RETNLB: variants seen among roughly 807,000 people sequenced by gnomAD.
RETNLB encodes resistin-like beta.
In RETNLB, 11 loss-of-function variants were observed where a neutral mutation model predicts 6.8. That is an observed-to-expected ratio of 1.62 (90% CI 1.02 to 2.68). The LOEUF (loss-of-function observed/expected upper bound fraction) is 2.68. Among genes scored for constraint, RETNLB ranks in the 30% most tolerant of loss-of-function variants. RETNLB has a pLI of 0.00. For synonymous variants in RETNLB, 57 were observed against 54.2 expected (o/e 1.05, Z -0.23); for missense variants, 146 against 135.7 (o/e 1.08, Z -0.38).
In RETNLB at chr3:108,756,043, C is replaced by T. The variant is rs531386399; in HGVS notation, c.209-138G>A. 1,803 of 884,374 alleles carry T rather than the reference C, an allele frequency of 2.0e-3. 13 individuals are homozygous for T. The highest frequency in any genetic ancestry group is 2.6e-3 in the Non-Finnish European group (1,485 of 573,904). 54.8% of individuals were successfully genotyped at this position (884,374 alleles called of 1,614,324 possible). A position where few individuals can be genotyped will look rare whatever the true frequency, so the allele number is the denominator to read the frequency against. ...GGGGCCTCAAGCTCATTCAATTTTG[C>T]GAGCTCATTTCAAGAAAAGAAATAC... On this transcript the variant is annotated intron_variant, in intron 2 of 2. Coordinates refer to ENST00000295755, the MANE Select transcript of RETNLB (RefSeq NM_032579.3).
intron 1 of RETNLB, 189 bp downstream of exon 1, chr3:108,756,870 C>T (rs1410078530): frequency 3.1e-6 from 2 of 641,364 alleles, no homozygotes; most frequent in African/African-American, 1.8e-5. Context: ...TCCTCCACCT[C>T]TTCCTCCTCA....
At chr3:108,755,997 A>C (rs1945247144) in intron 2 of RETNLB, 92 bp from the exon 3 acceptor site, 1 of 1,514,114 alleles carries the variant, frequency 6.6e-7, no homozygotes. Context: ...CTGTGCAGTC[A>C]GGGGTAGAGC....
intron 2 of RETNLB, 114 bp downstream of exon 2, chr3:108,756,394 C>T: frequency 1.3e-6 from 1 of 741,726 alleles, no homozygotes; most frequent in Non-Finnish European, 2.4e-6. Flanking sequence ...TGACTCAGCC[C>T]CAGGGTGCCA....
At chr3:108,755,926 C>T in intron 2 of RETNLB, 21 bp from the exon 3 acceptor site, 1 of 1,614,106 alleles carries the variant, frequency 6.2e-7, no homozygotes, top group Non-Finnish European at 8.5e-7. Context: ...ACATGAAGCA[C>T]AGACATCAGA....
At chr3:108,756,890 C>A (rs1005533508) in intron 1 of RETNLB, 169 bp downstream of exon 1, 3 of 724,434 alleles carry the variant, frequency 4.1e-6, no homozygotes, top group Non-Finnish European at 6.6e-6. Context: ...ATCAGGAAAA[C>A]CTCAGCTTTT....
At position 108,756,507 on chromosome 3, in the gene RETNLB, C is replaced by T; in HGVS notation, c.208+1G>A. 4 of 1,604,794 alleles carry T rather than the reference C, an allele frequency of 2.5e-6. No individual in the cohort carries two copies. The highest frequency in any genetic ancestry group is 3.4e-6 in the Non-Finnish European group (4 of 1,171,504). Reference sequence around the variant, plus strand: ...CCATTCCCTCTCAGGGAGTTACTCACCAGCAGGGCAGGAGGACGGTCTGCC... The same window carrying T: ...CCATTCCCTCTCAGGGAGTTACTCATCAGCAGGGCAGGAGGACGGTCTGCC... On this transcript the variant is annotated splice_donor_variant, in intron 2 of 2. Transcript: ENST00000295755. LOFTEE classifies it high-confidence loss of function.
intron 1 of RETNLB, 121 bp downstream of exon 1, chr3:108,756,938 G>T: frequency 1.8e-6 from 2 of 1,137,778 alleles, no homozygotes; most frequent in Non-Finnish European, 2.5e-6. Flanking sequence ...AGTGTAGAAA[G>T]CCCTCATCAG....
At chr3:108,756,185 C>T (rs773842891) in intron 2 of RETNLB, among the ~76,000 whole-genome samples, 1 of 152,074 alleles carries the variant, frequency 6.6e-6, no homozygotes, top group Non-Finnish European at 1.5e-5. Context: ...TCTGTTGGCC[C>T]CTACCCATCA....
chr3:108,755,911 T>C lies in RETNLB; in HGVS notation c.209-6A>G, dbSNP rs1422538186. ...ACAGCCAGTGACAGCCATCCCTGCA[T>C]GAGCACATGAAGCACAGACATCAGA... On this transcript the variant is annotated splice_region_variant and splice_polypyrimidine_tract_variant and intron_variant, in intron 2 of 2. Transcript: ENST00000295755. 5.0e-6 allele frequency: 8 copies of C among 1,613,990 alleles called. No homozygotes were observed. The highest frequency in any genetic ancestry group is 6.8e-6 in the Non-Finnish European group (8 of 1,180,024).
At position 108,755,802 on chromosome 3, in the gene RETNLB, A is replaced by C. The variant is rs747231274; in HGVS notation, c.312T>G (p.Thr104=). ...GTCAGGTCAGGTGGCAGCAGCGGGC[A>C]GTGGTCCAGTCCACCACACTGCACT... ...HCQCSVVDWT[T]ARCCHLT Residue 104 remains threonine (T), a synonymous_variant, in exon 3 of 3, where the codon ACT becomes ACG. Transcript: ENST00000295755. The C allele has an allele frequency of 6.2e-7, 1 of 1,614,146 alleles. No homozygotes were observed. The highest frequency in any genetic ancestry group is 8.5e-7 in the Non-Finnish European group (1 of 1,179,982).
Position 108,756,455 on chromosome 3 carries a change from A to G in RETNLB, c.208+53T>C, listed in dbSNP as rs536880406. 8.5e-6 allele frequency: 10 copies of G among 1,177,662 alleles called. No homozygotes were observed. The South Asian group carries it at 1.1e-4, about 13-fold the overall frequency. 73.0% of individuals were successfully genotyped at this position (1,177,662 alleles called of 1,614,324 possible). ...AAGACGTAGGTGCAGGGAGATGGACAGGGGAGGATACAGGGCATCGTAGTC... is the reference window on the plus strand; with the variant it reads ...AAGACGTAGGTGCAGGGAGATGGACGGGGGAGGATACAGGGCATCGTAGTC... On this transcript the variant is annotated intron_variant, in intron 2 of 2. Coordinates refer to ENST00000295755, the MANE Select transcript of RETNLB (RefSeq NM_032579.3).
At position 108,755,781 on chromosome 3, in the gene RETNLB, G is replaced by C; in HGVS notation, c.333C>G (p.Thr111=). The C allele has an allele frequency of 6.2e-7, 1 of 1,613,864 alleles. No individual in the cohort carries two copies. Among genetic ancestry groups the C allele is most frequent in the Non-Finnish European group, 8.5e-7 (1 of 1,179,794 alleles). Reference sequence around the variant, plus strand: ...TGAGTTCTCAGCCTCCTCCCTGTCAGGTCAGGTGGCAGCAGCGGGCAGTGG... The same window carrying C: ...TGAGTTCTCAGCCTCCTCCCTGTCACGTCAGGTGGCAGCAGCGGGCAGTGG... ...DWTTARCCHL[T] is the part of the protein sequence containing the mutation. The change falls in exon 3 of 3, where the codon ACC becomes ACG. Residue 111 remains threonine, a synonymous_variant. Coordinates refer to ENST00000295755, the MANE Select transcript of RETNLB (RefSeq NM_032579.3).
Position 108,757,173 on chromosome 3 carries a change from A to T in RETNLB, c.13T>A (p.Ser5Thr), listed in dbSNP as rs1390892928. 22 of 1,612,300 alleles carry T rather than the reference A, an allele frequency of 1.4e-5. No individual in the cohort carries two copies. The highest frequency in any genetic ancestry group is 1.4e-5 in the Non-Finnish European group (16 of 1,179,004). Residue 5 changes from serine (S) to threonine (T), a missense_variant, in exon 1 of 3, where the codon TCT (serine) becomes ACT (threonine). Ser to Thr is a moderately conservative substitution (Grantham distance 58). Transcript: ENST00000295755. MGPS[S>T]CLLLILIPLL... ...GGGATTAGGATGAGAAGGAGGCAAG[A>T]GGACGGCCCCATCCTGTACAGAGTC...
intron 1 of RETNLB, 141 bp downstream of exon 1, chr3:108,756,918 C>G: frequency 2.1e-6 from 2 of 935,836 alleles, no homozygotes; most frequent in Non-Finnish European, 1.6e-6. Flanking sequence ...ACTTCAAACA[C>G]GGGTAGGGTA....
At position 108,755,798 on chromosome 3, in the gene RETNLB, G is replaced by C; in HGVS notation, c.316C>G (p.Arg106Gly). The change falls in exon 3 of 3, where the codon CGC becomes GGC. Residue 106 changes from arginine to glycine, a missense_variant. By Grantham distance (125) the Arg-to-Gly change is moderately radical. Coordinates refer to ENST00000295755, the MANE Select transcript of RETNLB (RefSeq NM_032579.3). ...QCSVVDWTTA[R>G]CCHLT ...CCCTGTCAGGTCAGGTGGCAGCAGC[G>C]GGCAGTGGTCCAGTCCACCACACTG... 2 of 1,614,028 alleles carry C rather than the reference G, an allele frequency of 1.2e-6. No individual in the cohort carries two copies. Among genetic ancestry groups the C allele is most frequent in the Non-Finnish European group, 1.7e-6 (2 of 1,179,918 alleles).
chr3:108,756,626 A>G (rs745533647), intron 1 of RETNLB, 38 bp from the exon 2 acceptor site: 43 of 1,391,068 alleles, frequency 3.1e-5, no homozygotes, highest in Non-Finnish European at 3.7e-5. Flanking sequence ...CCCATGAGCT[A>G]TCCTCCCCAT....
At chr3:108,756,001 G>C in intron 2 of RETNLB, 96 bp from the exon 3 acceptor site, 1 of 1,447,176 alleles carries the variant, frequency 6.9e-7, no homozygotes, top group East Asian at 2.3e-5. Flanking sequence ...GCAGTCAGGG[G>C]TAGAGCTAGG....
intron 2 of RETNLB, among the ~76,000 whole-genome samples, chr3:108,756,135 G>A (rs1270183479): frequency 6.6e-6 from 1 of 152,142 alleles, no homozygotes; most frequent in Non-Finnish European, 1.5e-5. Context: ...CTTGGAACTT[G>A]GGAGTTTCAG....
Position 108,755,887 on chromosome 3 carries a change from C to T in RETNLB, c.227G>A (p.Cys76Tyr), listed in dbSNP as rs1945246221. 6.2e-7 allele frequency: 1 copy of T among 1,614,072 alleles called. No homozygotes were observed. Among genetic ancestry groups the T allele is most frequent in the Admixed American group, 1.7e-5 (1 of 59,998 alleles). ...SCPAGMAVTG[C>Y]ACGYGCGSWD... is the part of the protein sequence containing the mutation. ...CGAACCACAGCCATAGCCACAAGCA[C>T]AGCCAGTGACAGCCATCCCTGCATG... The change falls in exon 3 of 3, where the codon TGT (cysteine) becomes TAT (tyrosine). Residue 76 changes from cysteine (C) to tyrosine (Y), a missense_variant. Physicochemically the swap from Cys to Tyr is radical, Grantham distance 194 (BLOSUM62 -2). Transcript: ENST00000295755.
Sources: gnomAD v4.1 joint callset for allele counts (sites outside exome capture counted in the v4.1 genomes callset) on GRCh38, gnomAD v4.1.1 for gene constraint, MANE v1.5 for transcripts, NCBI Gene and HGNC (gene_info 2026-07-23, HGNC 2026-07-21) for gene names.